UBE3C: variants seen among roughly 807,000 people sequenced by gnomAD.
The protein encoded by UBE3C is ubiquitin-protein ligase E3C.
A neutral mutation model predicts 129.4 loss-of-function variants in UBE3C; 42 were observed. The observed-to-expected ratio is 0.32, with a 90% CI of 0.25 to 0.42. UBE3C has a LOEUF of 0.42. Ranked by LOEUF, UBE3C falls within the 10% of genes least tolerant of loss-of-function variation. The pLI is 1.00. For missense variants in UBE3C, 1,049 were observed against 1,319.1 expected, an observed-to-expected ratio of 0.80 and a Z score of 3.17; for synonymous variants, 510 against 492.4, an observed-to-expected ratio of 1.04 and a Z score of -0.47.
chr7:157,266,313 C>CA (rs924411849), intron 22 of UBE3C, among the ~76,000 whole-genome samples: 10 of 150,968 alleles, frequency 6.6e-5, no homozygotes, highest in African/African-American at 2.2e-4. Flanking sequence ...GACTCCGTCT[C>CA]AAAAAAATAA....
At chr7:157,191,854 T>G (rs371458347) in intron 10 of UBE3C, among the ~76,000 whole-genome samples, 1 of 152,190 alleles carries the variant, frequency 6.6e-6, no homozygotes, top group Non-Finnish European at 1.5e-5. Flanking sequence ...GGAAAAAATA[T>G]TGAGGATGTG....
Position 157,231,234 on chromosome 7 carries a change from T to C in UBE3C, c.2388T>C (p.Asn796=), listed in dbSNP as rs771978259. ...ACCAGGGGTTCTTTAAGACTACTAA[T>C]GAAGGGCTTCTGTACCCCAACCCGG... ...NPNQGFFKTT[N]EGLLYPNPAA... The change falls in exon 18 of 23, where the codon AAT becomes AAC. Residue 796 remains asparagine, a synonymous_variant. Transcript: ENST00000348165. 6.8e-6 allele frequency: 11 copies of C among 1,614,206 alleles called. No individual in the cohort carries two copies. The highest frequency in any genetic ancestry group is 8.5e-6 in the Non-Finnish European group (10 of 1,180,040).
At chr7:157,242,843 T>C (rs571905271) in intron 18 of UBE3C, among the ~76,000 whole-genome samples, 5 of 151,920 alleles carry the variant, frequency 3.3e-5, no homozygotes, top group South Asian at 2.1e-4. Flanking sequence ...AATCACGAGG[T>C]CAGGAGTTCT....
chr7:157,190,047 G>C (rs751663938), intron 10 of UBE3C, among the ~76,000 whole-genome samples: 1 of 152,142 alleles, frequency 6.6e-6, no homozygotes, highest in African/African-American at 2.4e-5. Context: ...GTGATCTCCC[G>C]CCTCAGCTTT....
chr7:157,204,992 C>T lies in UBE3C; in HGVS notation c.1419-2406C>T, dbSNP rs148350660. On this transcript the variant is annotated intron_variant, in intron 11 of 22. Coordinates refer to ENST00000348165, the MANE Select transcript of UBE3C (RefSeq NM_014671.3). ...AGATCTAGACAGAGGTTAGGGATTG[C>T]CTCGGGTCTCACTGATGGTCAGTAA... Among the ~76,000 whole-genome samples, 577 of 152,316 alleles carry T rather than the reference C, an allele frequency of 3.8e-3. 5 individuals are homozygous for T. Among genetic ancestry groups the T allele is most frequent in the South Asian group, 6.4e-3 (31 of 4,828 alleles).
chr7:157,247,207 G>A (rs997644901), intron 18 of UBE3C, among the ~76,000 whole-genome samples: 2 of 152,176 alleles, frequency 1.3e-5, no homozygotes, highest in Admixed American at 6.5e-5. Context: ...ATTCTAACAC[G>A]AATGGCTTTT....
intron 4 of UBE3C, 63 bp from the exon 5 acceptor site, chr7:157,174,856 T>C (rs761066149): frequency 7.6e-7 from 1 of 1,321,234 alleles, no homozygotes; most frequent in African/African-American, 1.5e-5. Flanking sequence ...TGGGGTATTA[T>C]GTAAATTAGC....
intron 8 of UBE3C, among the ~76,000 whole-genome samples, chr7:157,183,410 C>G (rs779411187): frequency 1.3e-5 from 2 of 152,096 alleles, no homozygotes; most frequent in Non-Finnish European, 2.9e-5. Flanking sequence ...CATGCCTTCT[C>G]CAGGCACTCC....
At chr7:157,211,224 T>C (rs1201232691) in intron 13 of UBE3C, among the ~76,000 whole-genome samples, 1 of 144,126 alleles carries the variant, frequency 6.9e-6, no homozygotes, top group African/African-American at 2.6e-5. Flanking sequence ...TTTACTTCCT[T>C]AGTGGTTAAG....
At chr7:157,242,520 T>TTG (rs1461551070) in intron 18 of UBE3C, among the ~76,000 whole-genome samples, 3 of 142,314 alleles carry the variant, frequency 2.1e-5, no homozygotes, top group Non-Finnish European at 4.6e-5. Context: ...AGTTGTTTTT[T>TTG]TTTTTTTTTT....
intron 10 of UBE3C, among the ~76,000 whole-genome samples, chr7:157,196,110 G>C (rs1293050836): frequency 1.4e-5 from 2 of 147,808 alleles, no homozygotes; most frequent in Non-Finnish European, 3.1e-5. Context: ...GGTAACAGAA[G>C]GGTCATAGAG....
rs547858462 is a variant in UBE3C at position 157,209,022 on chromosome 7, A to G, written c.1809+1087A>G. On this transcript the variant is annotated intron_variant, in intron 13 of 22. Coordinates refer to ENST00000348165, the MANE Select transcript of UBE3C (RefSeq NM_014671.3). ...CTTTTATCACTGCTTTTGTCAAGCTATCTATTTAATTGAAAGAAGTTAATT... is the reference window on the plus strand; with the variant it reads ...CTTTTATCACTGCTTTTGTCAAGCTGTCTATTTAATTGAAAGAAGTTAATT... 1.2e-4 allele frequency among the ~76,000 whole-genome samples: 19 copies of G among 152,366 alleles called. No individual in the cohort carries two copies. The East Asian group carries it at 1.9e-3, about 15-fold the overall frequency.
At position 157,186,948 on chromosome 7, in the gene UBE3C, G is replaced by A; in HGVS notation, c.1258G>A (p.Glu420Lys). ...GGTGTGGAGGGACTCTGCGAGCGAG[G>A]AGGTCTTCACCACCATGGCCTCCGT... Reference protein sequence around the residue: ...NLVWRDSASEEVFTTMASVCH... With the variant: ...NLVWRDSASEKVFTTMASVCH... Residue 420 changes from glutamate to lysine, a missense_variant, in exon 10 of 23, where the codon GAG (glutamate) becomes AAG (lysine). Physicochemically the swap from Glu to Lys is moderately conservative, Grantham distance 56. Transcript: ENST00000348165. The A allele has an allele frequency of 6.2e-7, 1 of 1,613,782 alleles. No homozygotes were observed.
At chr7:157,249,873 G>A (rs573118078) in intron 19 of UBE3C, among the ~76,000 whole-genome samples, 199 of 152,170 alleles carry the variant, frequency 1.3e-3, no homozygotes, top group Non-Finnish European at 2.3e-3. Flanking sequence ...TCCATAATCT[G>A]AAAATCCAAA....
intron 18 of UBE3C, among the ~76,000 whole-genome samples, chr7:157,242,833 A>G (rs1370496977): frequency 6.6e-6 from 1 of 151,964 alleles, no homozygotes; most frequent in Admixed American, 6.6e-5. Flanking sequence ...AAGGCGGGAG[A>G]ATCACGAGGT....
At chr7:157,240,004 A>C (rs1324793800) in intron 18 of UBE3C, among the ~76,000 whole-genome samples, 2 of 152,132 alleles carry the variant, frequency 1.3e-5, no homozygotes, top group Non-Finnish European at 2.9e-5. Context: ...TAAAAATGCA[A>C]ATTCTTGGGC....
intron 1 of UBE3C, among the ~76,000 whole-genome samples, chr7:157,143,493 C>G (rs1807516032): frequency 6.6e-6 from 1 of 152,198 alleles, no homozygotes; most frequent in Admixed American, 6.5e-5. Flanking sequence ...CTTCCTGTCT[C>G]CTTCATTCCT....
At chr7:157,195,653 TGGA>T (rs1462143185) in intron 10 of UBE3C, among the ~76,000 whole-genome samples, 1 of 152,206 alleles carries the variant, frequency 6.6e-6, no homozygotes, top group Non-Finnish European at 1.5e-5. Flanking sequence ...AGTGCACAGA[TGGA>T]GGAGAATTAT....
At chr7:157,220,407 ATTATT>A (rs1468955870) in intron 14 of UBE3C, among the ~76,000 whole-genome samples, 1 of 152,252 alleles carries the variant, frequency 6.6e-6, no homozygotes, top group African/African-American at 2.4e-5. Flanking sequence ...AAGCAATTAT[ATTATT>A]TTACTATGTT....
Sources: gnomAD v4.1 joint callset for allele counts (sites outside exome capture counted in the v4.1 genomes callset) on GRCh38, gnomAD v4.1.1 for gene constraint, MANE v1.5 for transcripts, NCBI Gene and HGNC (gene_info 2026-07-23, HGNC 2026-07-21) for gene names.